CSMD2: variants seen among roughly 807,000 people sequenced by gnomAD.
The protein encoded by CSMD2 is CUB and Sushi multiple domains 2, also known as CUB and sushi domain-containing protein 2.
A neutral mutation model predicts 398.5 loss-of-function variants in CSMD2; 130 were observed. That is an observed-to-expected ratio of 0.33 (90% CI 0.28 to 0.38). CSMD2 has a LOEUF of 0.38. Ranked by LOEUF, CSMD2 falls within the 10% of genes least tolerant of loss-of-function variation. CSMD2 has a pLI of 1.00. For missense variants in CSMD2, 3,829 were observed against 4,764.9 expected (o/e 0.80, Z 5.78); for synonymous variants, 1,828 against 1,908.5 (o/e 0.96, Z 1.10).
intron 3 of CSMD2, among the ~76,000 whole-genome samples, chr1:33,985,138 C>A (rs905347013): frequency 6.6e-6 from 1 of 152,196 alleles, no homozygotes; most frequent in Non-Finnish European, 1.5e-5. Context: ...CAAGGCTTCA[C>A]CAGCAGGTCG....
At chr1:33,573,711 C>T (rs1659810117) in intron 49 of CSMD2, among the ~76,000 whole-genome samples, 1 of 151,920 alleles carries the variant, frequency 6.6e-6, no homozygotes, top group Non-Finnish European at 1.5e-5. Flanking sequence ...GTTCAGAGCT[C>T]CAAAAAGAGA....
At chr1:33,692,610 T>G (rs985566554) in intron 25 of CSMD2, among the ~76,000 whole-genome samples, 16 of 152,226 alleles carry the variant, frequency 1.1e-4, no homozygotes, top group Non-Finnish European at 1.9e-4. Flanking sequence ...ATAAGGAACT[T>G]TCCCAAAGTC....
intron 47 of CSMD2, among the ~76,000 whole-genome samples, chr1:33,583,078 A>G (rs192724429): frequency 6.6e-6 from 1 of 152,328 alleles, no homozygotes; most frequent in African/African-American, 2.4e-5. Flanking sequence ...GGTTCACTCT[A>G]TTGAGGACAT....
intron 3 of CSMD2, among the ~76,000 whole-genome samples, chr1:34,013,589 C>A (rs1647672482): frequency 6.6e-6 from 1 of 152,146 alleles, no homozygotes; most frequent in South Asian, 2.1e-4. Context: ...GTTCCCAGCT[C>A]TCTACAGCCT....
rs867967910 is a variant in CSMD2 at position 33,836,955 on chromosome 1, C to G, written c.1033+9929G>C. ...GAAATCATTCATCTTCTGCGTCGCT[C>G]ACGCTGGGAGCTGTAGACTGGAGCT... On this transcript the variant is annotated intron_variant, in intron 6 of 70. Transcript: ENST00000373381. 5.3e-5 allele frequency among the ~76,000 whole-genome samples: 8 copies of G among 152,188 alleles called. 1 individual carries two copies. Among genetic ancestry groups the G allele is most frequent in the African/African-American group, 1.9e-4 (8 of 41,448 alleles).
chr1:34,000,990 G>A (rs918264162), intron 3 of CSMD2, among the ~76,000 whole-genome samples: 2 of 150,236 alleles, frequency 1.3e-5, no homozygotes, highest in Non-Finnish European at 3.0e-5. Context: ...GAGGGGAGAA[G>A]GAGAAAGGGG....
rs367746720 is a variant in CSMD2, at chr1:34,125,041, TG to T, written c.188-35849del. Among the ~76,000 whole-genome samples, 272 of 152,294 alleles carry T rather than the reference TG, an allele frequency of 1.8e-3. 1 individual carries two copies. Among genetic ancestry groups the T allele is most frequent in the African/African-American group, 6.2e-3 (256 of 41,564 alleles). On this transcript the variant is annotated intron_variant, in intron 1 of 70. Coordinates refer to ENST00000373381, the MANE Select transcript of CSMD2 (RefSeq NM_001281956.2). Reference sequence around the variant, plus strand: ...TCAGAAATGATTATGACCCAGTCCCTGCCCTTGACCATCATATATCCAGCTA... The same window carrying T: ...TCAGAAATGATTATGACCCAGTCCCTCCCTTGACCATCATATATCCAGCTA...
intron 46 of CSMD2, among the ~76,000 whole-genome samples, chr1:33,585,591 A>C (rs1304128494): frequency 6.6e-6 from 1 of 152,238 alleles, no homozygotes; most frequent in African/African-American, 2.4e-5. Context: ...TGATTTCACT[A>C]ATCCGATGAC....
At position 34,032,722 on chromosome 1, in the gene CSMD2, T is replaced by C. The variant is rs747437703; in HGVS notation, c.405-16A>G. The C allele has an allele frequency of 7.5e-5, 116 of 1,548,250 alleles. No homozygotes were observed. The highest frequency in any genetic ancestry group is 9.3e-5 in the Non-Finnish European group (106 of 1,138,172). On this transcript the variant is annotated splice_polypyrimidine_tract_variant and intron_variant, in intron 2 of 70. Coordinates refer to ENST00000373381, the MANE Select transcript of CSMD2 (RefSeq NM_001281956.2). ...GCCTGTGAGCCTGAAAGACAAAGAA[T>C]TGGATTAGGGAGAATGACCCCCTTG... is the stretch of plus-strand genomic sequence containing the variant.
At chr1:33,604,410 A>G (rs1465599659) in intron 42 of CSMD2, among the ~76,000 whole-genome samples, 3 of 152,156 alleles carry the variant, frequency 2.0e-5, no homozygotes. Flanking sequence ...AGTTAAACTG[A>G]GAGTTTGAGT....
intron 3 of CSMD2, among the ~76,000 whole-genome samples, chr1:33,981,782 C>G (rs567302316): frequency 6.6e-6 from 1 of 152,194 alleles, no homozygotes; most frequent in South Asian, 2.1e-4. Context: ...CAGAGGAGAA[C>G]CCCTGGGACA....
intron 10 of CSMD2, among the ~76,000 whole-genome samples, chr1:33,798,333 A>G (rs112485807): frequency 0.012 from 1,877 of 152,370 alleles, 42 homozygotes; most frequent in Non-Finnish European, 0.012. Flanking sequence ...AGCACCTGCC[A>G]TGTGCCAAGC....
intron 1 of CSMD2, among the ~76,000 whole-genome samples, chr1:34,158,196 G>T (rs928718817): frequency 6.6e-6 from 1 of 152,110 alleles, no homozygotes. Flanking sequence ...AAACTCCCAC[G>T]TTGCATAGCC....
chr1:33,963,522 C>T (rs898441192), intron 3 of CSMD2, among the ~76,000 whole-genome samples: 3 of 152,154 alleles, frequency 2.0e-5, no homozygotes, highest in Admixed American at 6.5e-5. Context: ...CAATCATTCC[C>T]GAGATTTTCC....
chr1:33,864,171 A>G (rs777814275), intron 5 of CSMD2: 12 of 1,572,294 alleles, frequency 7.6e-6, no homozygotes, highest in Middle Eastern at 1.9e-4. Context: ...CTGAATCCAG[A>G]AAAAAGGTGA....
At position 33,559,735 on chromosome 1, in the gene CSMD2, C is replaced by T. The variant is rs1241523328; in HGVS notation, c.8381-262G>A. On this transcript the variant is annotated intron_variant, in intron 53 of 70. Coordinates refer to ENST00000373381, the MANE Select transcript of CSMD2 (RefSeq NM_001281956.2). This position sits in a 1 kb window ranked among gnomAD's most constrained non-coding sequence, Gnocchi z 4.0. ...AGGGTGTTAGGACTGGACTGTGGTT[C>T]TCTGTGGTCTGAGCGGTCAGTGCTA... Among the ~76,000 whole-genome samples the T allele has an allele frequency of 1.3e-5, 2 of 152,128 alleles. No homozygotes were observed. The highest frequency in any genetic ancestry group is 2.9e-5 in the Non-Finnish European group (2 of 68,016).
intron 25 of CSMD2, among the ~76,000 whole-genome samples, chr1:33,669,440 C>G (rs887517561): frequency 1.3e-5 from 2 of 152,210 alleles, no homozygotes; most frequent in African/African-American, 4.8e-5. Flanking sequence ...ACTCCTCTGA[C>G]CCAGTCTCTC....
At chr1:33,812,233 G>A (rs1656945008) in intron 9 of CSMD2, among the ~76,000 whole-genome samples, 1 of 152,190 alleles carries the variant, frequency 6.6e-6, no homozygotes, top group African/African-American at 2.4e-5. Context: ...GCAAGTGGAG[G>A]GAGCAGGTGG....
chr1:33,673,404 T>A (rs1374388127), intron 25 of CSMD2, among the ~76,000 whole-genome samples: 7 of 151,774 alleles, frequency 4.6e-5, no homozygotes, highest in Non-Finnish European at 5.9e-5. Flanking sequence ...GAAGAGAAGT[T>A]TAGAGAAAAA....
Sources: allele counts gnomAD v4.1 joint callset (sites outside exome capture counted in the v4.1 genomes callset), GRCh38; gene constraint gnomAD v4.1.1; non-coding constraint Gnocchi (gnomAD v3.1); transcripts MANE v1.5; gene names NCBI Gene and HGNC (gene_info 2026-07-23, HGNC 2026-07-21).